Variants in FARS2 observed in about 807,000 individuals in gnomAD.
FARS2 encodes phenylalanine--tRNA ligase, mitochondrial.
FARS2 carries 40 observed loss-of-function variants against 46.4 expected under a neutral mutation model. That is an observed-to-expected ratio of 0.86 (90% CI 0.67 to 1.12). The LOEUF is 1.12. Among genes scored for constraint, FARS2 ranks in the 50% most tolerant of loss-of-function variants. The probability of loss-of-function intolerance (pLI) is 0.00; values close to 1 mark genes in which losing one functional copy is unlikely to be tolerated. For synonymous variants in FARS2, 234 were observed against 214.9 expected (o/e 1.09, Z -0.78); for missense variants, 513 against 567.9 (o/e 0.90, Z 0.98).
intron 1 of FARS2, among the ~76,000 whole-genome samples, chr6:5,358,219 C>G (rs1279418384): frequency 1.3e-5 from 2 of 152,190 alleles, no homozygotes; most frequent in Non-Finnish European, 1.5e-5. Context: ...CTTGCCATAA[C>G]TATTCTGCTT....
intron 4 of FARS2, among the ~76,000 whole-genome samples, chr6:5,531,600 C>T (rs144370480): frequency 1.4e-4 from 22 of 152,264 alleles, no homozygotes; most frequent in African/African-American, 4.6e-4. Context: ...CCATGAAAAG[C>T]TTTCTTTTAA....
intron 6 of FARS2, among the ~76,000 whole-genome samples, chr6:5,674,745 A>G (rs546009522): frequency 9.9e-5 from 15 of 152,284 alleles, no homozygotes; most frequent in Middle Eastern, 3.4e-3. Flanking sequence ...AAATGAGATC[A>G]ATATCATTTC....
At chr6:5,334,755 C>T (rs1036616201) in intron 1 of FARS2, among the ~76,000 whole-genome samples, 1 of 152,108 alleles carries the variant, frequency 6.6e-6, no homozygotes, top group African/African-American at 2.4e-5. Context: ...TGATTTTATT[C>T]TCCTCTGTAA....
At chr6:5,274,352 T>C (rs114788498) in intron 1 of FARS2, among the ~76,000 whole-genome samples, 3,060 of 152,332 alleles carry the variant, frequency 0.02, 91 homozygotes, top group African/African-American at 0.07. Context: ...CAGATACTTG[T>C]TTGTCATAGC....
chr6:5,644,615 C>T (rs1329266115), intron 6 of FARS2, among the ~76,000 whole-genome samples: 2 of 152,228 alleles, frequency 1.3e-5, no homozygotes, highest in Non-Finnish European at 1.5e-5. Context: ...CCCACCTTGG[C>T]CACCCAAAGT....
At chr6:5,743,440 A>C (rs901704921) in intron 6 of FARS2, among the ~76,000 whole-genome samples, 19 of 152,170 alleles carry the variant, frequency 1.2e-4, no homozygotes, top group Admixed American at 1.2e-3. Context: ...GAAAGGCCAC[A>C]GTGTTTGTAT....
chr6:5,602,645 CAAA>C (rs55712653), intron 5 of FARS2, among the ~76,000 whole-genome samples: 972 of 72,054 alleles, frequency 0.013, 2 homozygotes, highest in South Asian at 0.025. Flanking sequence ...GACTCCGTCT[CAAA>C]AAAAAAAAAA....
intron 6 of FARS2, among the ~76,000 whole-genome samples, chr6:5,637,555 G>A (rs898938412): frequency 6.6e-6 from 1 of 152,166 alleles, no homozygotes. Context: ...TTTCTATGTT[G>A]CTTCCAGCGT....
intron 4 of FARS2, among the ~76,000 whole-genome samples, chr6:5,509,676 C>T (rs1027856291): frequency 2.6e-5 from 4 of 152,116 alleles, no homozygotes; most frequent in African/African-American, 4.8e-5. Context: ...GGCGCCAGAG[C>T]GGGAGAGCTG....
At chr6:5,515,571 G>A (rs749568159) in intron 4 of FARS2, among the ~76,000 whole-genome samples, 1 of 152,150 alleles carries the variant, frequency 6.6e-6, no homozygotes, top group Non-Finnish European at 1.5e-5. Context: ...TGGGATTATA[G>A]ATGTGCACCA....
intron 6 of FARS2, among the ~76,000 whole-genome samples, chr6:5,652,997 A>G (rs899701339): frequency 6.6e-6 from 1 of 152,206 alleles, no homozygotes; most frequent in Non-Finnish European, 1.5e-5. Context: ...AGAGAGAGAC[A>G]AAGTGTGTGT....
intron 4 of FARS2, among the ~76,000 whole-genome samples, chr6:5,493,357 G>T (rs1279196282): frequency 6.6e-6 from 1 of 152,082 alleles, no homozygotes; most frequent in African/African-American, 2.4e-5. Flanking sequence ...AGAAGGTAGG[G>T]ATCACATGTC....
intron 1 of FARS2, among the ~76,000 whole-genome samples, chr6:5,284,098 A>C (rs1766947767): frequency 6.6e-6 from 1 of 151,942 alleles, no homozygotes; most frequent in Non-Finnish European, 1.5e-5. Flanking sequence ...TGCACATTAA[A>C]AATACTATCT....
chr6:5,698,643 GCAGTTCTC>G (rs1341098753), intron 6 of FARS2, among the ~76,000 whole-genome samples: 1 of 152,140 alleles, frequency 6.6e-6, no homozygotes, highest in Non-Finnish European at 1.5e-5. Context: ...TGGAATCTGG[GCAGTTCTC>G]CAGCAGGCTC....
Position 5,771,488 on chromosome 6 carries a change from A to T in FARS2, c.*59A>T. On this transcript the variant is annotated 3_prime_UTR_variant, in exon 7 of 7. Transcript: ENST00000274680. ...GGGCTCCAGGATTTGCTGAAAGAGA[A>T]AAAGATATGGTTTGTGAACTGGGGC... The T allele has an allele frequency of 6.4e-7, 1 of 1,553,862 alleles. No homozygotes were observed. The highest frequency in any genetic ancestry group is 2.3e-5 in the East Asian group (1 of 44,100).
upstream of FARS2, chr6:5,261,083 C>G (rs1308774774): frequency 1.7e-5 from 7 of 402,618 alleles, no homozygotes; most frequent in South Asian, 3.2e-4. Context: ...ACTGGCCGCC[C>G]GTGCATCCAG....
At chr6:5,761,886 A>T (rs893984191) in intron 6 of FARS2, among the ~76,000 whole-genome samples, 1 of 151,922 alleles carries the variant, frequency 6.6e-6, no homozygotes, top group African/African-American at 2.4e-5. Context: ...AATCATGAAG[A>T]TGCTCCATCC....
intron 4 of FARS2, among the ~76,000 whole-genome samples, chr6:5,433,100 C>T (rs1763321634): frequency 6.6e-6 from 1 of 152,110 alleles, no homozygotes; most frequent in South Asian, 2.1e-4. Flanking sequence ...AGGTTGACAT[C>T]AGGACCTGGG....
upstream of FARS2, among the ~76,000 whole-genome samples, chr6:5,257,099 A>T (rs939509367): frequency 1.3e-5 from 2 of 152,032 alleles, no homozygotes; most frequent in Non-Finnish European, 2.9e-5. Context: ...CATCTTCTAC[A>T]CTGCTGCCAG....
Sources: allele counts gnomAD v4.1 joint callset (sites outside exome capture counted in the v4.1 genomes callset), GRCh38; gene constraint gnomAD v4.1.1; transcripts MANE v1.5; gene names NCBI Gene and HGNC (gene_info 2026-07-23, HGNC 2026-07-21).